Variants in IFT43 observed in about 807,000 individuals in gnomAD.
IFT43 encodes the protein intraflagellar transport protein 43 homolog.
In IFT43, 33 loss-of-function variants were observed where a neutral mutation model predicts 32.3. The observed-to-expected ratio is 1.02, with a 90% CI of 0.77 to 1.37. The LOEUF (loss-of-function observed/expected upper bound fraction) is 1.37, where lower values mean the gene tolerates loss of function less well. Among genes scored for constraint, IFT43 ranks in the 40% most tolerant of loss-of-function variants. The probability of loss-of-function intolerance (pLI) is 0.00; values close to 1 mark genes in which losing one functional copy is unlikely to be tolerated. For synonymous variants in IFT43, 93 were observed against 98.2 expected (o/e 0.95, Z 0.31); for missense variants, 274 against 265.9 (o/e 1.03, Z -0.21).
chr14:76,005,835 G>T (rs2035970697), intron 2 of IFT43, among the ~76,000 whole-genome samples: 1 of 152,046 alleles, frequency 6.6e-6, no homozygotes, highest in African/African-American at 2.4e-5. Flanking sequence ...TTCCTCTCCA[G>T]TATCTTCTAA....
chr14:76,041,495 T>C (rs2036706100), intron 3 of IFT43, among the ~76,000 whole-genome samples: 1 of 152,142 alleles, frequency 6.6e-6, no homozygotes, highest in Non-Finnish European at 1.5e-5. Flanking sequence ...CTTGCCAGGG[T>C]CTTCTTGAAC....
At chr14:76,082,796 C>T in intron 7 of IFT43, 104 bp downstream of exon 7, 1 of 873,776 alleles carries the variant, frequency 1.1e-6, no homozygotes, top group South Asian at 1.3e-5. Context: ...CTCCACCAGT[C>T]CCCTGAGGCT....
At chr14:76,027,947 C>G (rs2036435266) in intron 3 of IFT43, among the ~76,000 whole-genome samples, 2 of 151,968 alleles carry the variant, frequency 1.3e-5, no homozygotes, top group South Asian at 2.1e-4. Flanking sequence ...TCACCTTTCC[C>G]CATTCCCCAC....
Position 76,015,361 on chromosome 14 carries a change from C to T in IFT43, c.148-6966C>T, listed in dbSNP as rs76479444. On this transcript the variant is annotated intron_variant, in intron 2 of 8. Transcript: ENST00000314067. ...CTGCCTGTCCCTCCTCCTCTCCCCT[C>T]TGCTTCAGTGCTCTCTCCTGAGGTT... Among the ~76,000 whole-genome samples, 1,355 of 152,290 alleles carry T rather than the reference C, an allele frequency of 8.9e-3. 18 individuals are homozygous for T. Among genetic ancestry groups the T allele is most frequent in the African/African-American group, 0.03 (1,261 of 41,552 alleles).
At chr14:76,063,555 A>T (rs1389844071) in intron 5 of IFT43, among the ~76,000 whole-genome samples, 3 of 152,214 alleles carry the variant, frequency 2.0e-5, no homozygotes, top group African/African-American at 4.8e-5. Flanking sequence ...GGCTTACTTT[A>T]TCTGTTTTCC....
intron 5 of IFT43, among the ~76,000 whole-genome samples, chr14:76,061,931 C>T (rs1012406432): frequency 6.6e-6 from 1 of 152,118 alleles, no homozygotes; most frequent in Non-Finnish European, 1.5e-5. Flanking sequence ...GATTTTAGAG[C>T]ATTTTGGATT....
rs2035506836 is a variant in IFT43, at chr14:75,985,798, G to T, written c.12G>T (p.Leu4Phe). 3 of 1,614,206 alleles carry T rather than the reference G, an allele frequency of 1.9e-6. No homozygotes were observed. Among genetic ancestry groups the T allele is most frequent in the African/African-American group, 2.7e-5 (2 of 75,064 alleles). Reference sequence around the variant, plus strand: ...AGGCGGCCGCGGAGATGGAGGATTTGCTCGACTTGGACGAGGAGCTTCGCT... The same window carrying T: ...AGGCGGCCGCGGAGATGGAGGATTTTCTCGACTTGGACGAGGAGCTTCGCT... MED[L>F]LDLDEELRYS... The change falls in exon 1 of 9, where the codon TTG (leucine) becomes TTT (phenylalanine). Residue 4 changes from leucine (L) to phenylalanine (F), a missense_variant. Transcript: ENST00000314067.
intron 5 of IFT43, among the ~76,000 whole-genome samples, chr14:76,062,604 C>T (rs2037157166): frequency 1.3e-5 from 2 of 152,042 alleles, no homozygotes; most frequent in South Asian, 4.2e-4. Flanking sequence ...ATTGCTTTTG[C>T]ACCATCATAA....
intron 3 of IFT43, among the ~76,000 whole-genome samples, chr14:76,056,363 T>TC (rs1655550147): frequency 6.6e-6 from 1 of 152,322 alleles, no homozygotes. Context: ...GTCCTTGGGC[T>TC]CCCCCTAGAG....
chr14:76,050,393 T>C (rs2036890947), intron 3 of IFT43, among the ~76,000 whole-genome samples: 1 of 152,018 alleles, frequency 6.6e-6, no homozygotes, highest in African/African-American at 2.4e-5. Flanking sequence ...GGTGGGAGTA[T>C]TTGGATGTGG....
chr14:76,074,499 TG>T (rs1410598775), intron 5 of IFT43, among the ~76,000 whole-genome samples: 2 of 152,152 alleles, frequency 1.3e-5, no homozygotes, highest in Non-Finnish European at 2.9e-5. Context: ...CTCTTCAGAA[TG>T]GGGTCATCTG....
chr14:76,027,291 C>T (rs557204831), intron 3 of IFT43, among the ~76,000 whole-genome samples: 1 of 151,648 alleles, frequency 6.6e-6, no homozygotes, highest in East Asian at 1.9e-4. Flanking sequence ...CAATTTTTTC[C>T]ACCCTCTCCT....
intron 2 of IFT43, among the ~76,000 whole-genome samples, chr14:76,000,523 C>T (rs1054662257): frequency 2.6e-5 from 4 of 152,026 alleles, no homozygotes; most frequent in Admixed American, 1.3e-4. Context: ...CCTCCCGCCT[C>T]GGCCTCCCAA....
chr14:76,002,871 C>T (rs914974105), intron 2 of IFT43, among the ~76,000 whole-genome samples: 2 of 152,158 alleles, frequency 1.3e-5, no homozygotes, highest in Non-Finnish European at 2.9e-5. Flanking sequence ...GCTGCGAGAG[C>T]AACGAAGTCC....
intron 2 of IFT43, among the ~76,000 whole-genome samples, chr14:75,995,456 C>T (rs1486252895): frequency 1.3e-5 from 2 of 152,104 alleles, no homozygotes; most frequent in African/African-American, 4.8e-5. Flanking sequence ...GGTGTTCCTC[C>T]GAGGACGCAG....
intron 2 of IFT43, among the ~76,000 whole-genome samples, chr14:76,021,220 A>G (rs1248536777): frequency 6.6e-6 from 1 of 152,000 alleles, no homozygotes; most frequent in African/African-American, 2.4e-5. Context: ...AGGCAAGTCA[A>G]TCCCCAAGCC....
At chr14:76,073,882 A>T (rs1395836745) in intron 5 of IFT43, among the ~76,000 whole-genome samples, 2 of 151,942 alleles carry the variant, frequency 1.3e-5, no homozygotes, top group Non-Finnish European at 2.9e-5. Flanking sequence ...TTCTCATCTG[A>T]TAAGAGAGCG....
At position 76,058,799 on chromosome 14, in the gene IFT43, A is replaced by G. The variant is rs757898637; in HGVS notation, c.248+125A>G. ...GTGTTAGAAGTCTGGGGCTAGAATT[A>G]TTGATGCCTGCTGAATCCAAGGTTT... On this transcript the variant is annotated intron_variant, in intron 4 of 8. Transcript: ENST00000314067. The G allele has an allele frequency of 5.0e-6, 8 of 1,586,024 alleles. No homozygotes were observed. The South Asian group carries it at 9.0e-5, about 18-fold the overall frequency.
At chr14:76,057,557 A>G (rs1018859889) in intron 3 of IFT43, among the ~76,000 whole-genome samples, 21 of 152,038 alleles carry the variant, frequency 1.4e-4, no homozygotes, top group African/African-American at 5.1e-4. Flanking sequence ...AATTGACAAA[A>G]AAAAAAAAAA....
Sources: allele counts gnomAD v4.1 joint callset (sites outside exome capture counted in the v4.1 genomes callset), GRCh38; gene constraint gnomAD v4.1.1; transcripts MANE v1.5; gene names NCBI Gene and HGNC (gene_info 2026-07-23, HGNC 2026-07-21).